Variants in SLC39A11 observed in about 807,000 individuals in gnomAD.
SLC39A11 encodes solute carrier family 39 member 11.
Under a neutral mutation model 36.1 loss-of-function variants are expected in SLC39A11, and 33 were observed. The ratio of observed to expected loss-of-function variants is 0.91; its 90% CI spans 0.69 to 1.22. The LOEUF (loss-of-function observed/expected upper bound fraction) is 1.22. SLC39A11 is among the 50% of genes most tolerant of loss of function. The pLI, the probability that SLC39A11 is intolerant of heterozygous loss-of-function variation, is 0.00. For synonymous variants in SLC39A11, 166 were observed against 170.3 expected (o/e 0.97, Z 0.20); for missense variants, 432 against 430.3 (o/e 1.00, Z -0.03).
At position 72,880,960 on chromosome 17, in the gene SLC39A11, C is replaced by T. The variant is rs998202979; in HGVS notation, c.431-31156G>A. 5.3e-5 allele frequency among the ~76,000 whole-genome samples: 8 copies of T among 151,464 alleles called. 1 individual carries two copies. The highest frequency in any genetic ancestry group is 3.3e-4 in the Admixed American group (5 of 15,226). On this transcript the variant is annotated intron_variant, in intron 5 of 9. Coordinates refer to ENST00000255559, the MANE Select transcript of SLC39A11 (RefSeq NM_139177.4). ...CCTCCCAAAGTGCTGGGATTACAGG[C>T]GTGAGCCTCTGCACCCGGCCTAAGA...
At chr17:72,909,885 C>A (rs12949898) in intron 5 of SLC39A11, among the ~76,000 whole-genome samples, 45,929 of 151,104 alleles carry the variant, frequency 0.3, 7,311 homozygotes, top group East Asian at 0.5. Context: ...AGCTGGGACT[C>A]CAGGCGCCCG....
At chr17:72,846,694 A>G (rs2079069567) in intron 6 of SLC39A11, among the ~76,000 whole-genome samples, 1 of 152,180 alleles carries the variant, frequency 6.6e-6, no homozygotes, top group Non-Finnish European at 1.5e-5. Context: ...TACTCATTCC[A>G]TTGCTATAAA....
intron 7 of SLC39A11, among the ~76,000 whole-genome samples, chr17:72,684,513 G>A (rs1006350510): frequency 2.6e-5 from 4 of 152,172 alleles, no homozygotes; most frequent in Middle Eastern, 3.2e-3. Flanking sequence ...CAAGGATAAC[G>A]CATCGTGCTT....
chr17:72,972,719 T>A (rs763892339), intron 4 of SLC39A11, among the ~76,000 whole-genome samples: 14 of 152,134 alleles, frequency 9.2e-5, no homozygotes, highest in African/African-American at 3.4e-4. Flanking sequence ...CTTCCCAGAC[T>A]GTAGCAACCA....
At position 72,865,735 on chromosome 17, in the gene SLC39A11, G is replaced by A. The variant is rs376789454; in HGVS notation, c.431-15931C>T. The stretch of plus-strand genomic sequence containing the variant: ...CAGGCACCACCGACAGAGAGAAGCA[G>A]AACCTTTGTGTAATAGCTCTTTTTT... On this transcript the variant is annotated intron_variant, in intron 5 of 9. Transcript: ENST00000255559. 5.3e-5 allele frequency among the ~76,000 whole-genome samples: 8 copies of A among 152,154 alleles called. No individual in the cohort carries two copies. The South Asian group carries it at 1.0e-3, about 20-fold the overall frequency.
At position 72,648,792 on chromosome 17, in the gene SLC39A11, G is replaced by A. The variant is rs199631988; in HGVS notation, c.929+11C>T. 9.9e-6 allele frequency: 16 copies of A among 1,614,126 alleles called. No individual in the cohort carries two copies. In the East Asian group the frequency reaches 1.1e-4, roughly 11 times the overall value. ...GGGACAGGGACAGACAGGGAGGGAA[G>A]GTTCTCCAACCTGATCTGGGCTTCG... On this transcript the variant is annotated intron_variant, in intron 9 of 9. Coordinates refer to ENST00000255559, the MANE Select transcript of SLC39A11 (RefSeq NM_139177.4).
chr17:72,690,912 T>C (rs1415171060), intron 7 of SLC39A11, among the ~76,000 whole-genome samples: 1 of 152,034 alleles, frequency 6.6e-6, no homozygotes, highest in East Asian at 1.9e-4. Flanking sequence ...CTCCAAGGAA[T>C]GGCAGTCACC....
intron 6 of SLC39A11, among the ~76,000 whole-genome samples, chr17:72,802,626 T>A (rs966298621): frequency 1.9e-4 from 27 of 142,052 alleles, no homozygotes; most frequent in African/African-American, 6.2e-4. Context: ...GAAAAGAAAA[T>A]CACATGGGTT....
intron 6 of SLC39A11, among the ~76,000 whole-genome samples, chr17:72,834,049 CCAAGG>C (rs2078404567): frequency 6.6e-6 from 1 of 152,150 alleles, no homozygotes; most frequent in South Asian, 2.1e-4. Flanking sequence ...GGAACTCCTC[CCAAGG>C]CAAGCTTGGG....
At chr17:72,861,688 T>TATAA (rs1169877556) in intron 5 of SLC39A11, among the ~76,000 whole-genome samples, 28 of 88,782 alleles carry the variant, frequency 3.2e-4, no homozygotes, top group East Asian at 8.3e-4. Context: ...TATATATATA[T>TATAA]AAAATATATA....
chr17:72,795,705 C>T (rs2076873796), intron 6 of SLC39A11, among the ~76,000 whole-genome samples: 1 of 152,100 alleles, frequency 6.6e-6, no homozygotes, highest in Non-Finnish European at 1.5e-5. Flanking sequence ...TCAAAATTCC[C>T]TGTGAGGTGG....
At chr17:72,890,284 C>CAA (rs11335169) in intron 5 of SLC39A11, among the ~76,000 whole-genome samples, 33 of 141,006 alleles carry the variant, frequency 2.3e-4, no homozygotes, top group Middle Eastern at 3.6e-3. Flanking sequence ...ACAACAACAA[C>CAA]AAAAAAAAAA....
At chr17:72,750,942 C>CT (rs1236090369) in intron 6 of SLC39A11, among the ~76,000 whole-genome samples, 4 of 152,116 alleles carry the variant, frequency 2.6e-5, no homozygotes, top group Non-Finnish European at 5.9e-5. Context: ...GGCATTATGG[C>CT]TTAGCTCAAA....
chr17:73,075,881 G>C (rs1353468610), intron 3 of SLC39A11, among the ~76,000 whole-genome samples: 2 of 152,120 alleles, frequency 1.3e-5, no homozygotes, highest in African/African-American at 4.8e-5. Context: ...CTCACCATGT[G>C]ATACTGAATT....
At chr17:72,727,598 G>A (rs1382882964) in intron 7 of SLC39A11, among the ~76,000 whole-genome samples, 1 of 149,000 alleles carries the variant, frequency 6.7e-6, no homozygotes, top group East Asian at 2.0e-4. Context: ...GTTGCAGTGA[G>A]CTGAGATCGT....
At chr17:72,947,521 C>A in intron 5 of SLC39A11, 1 of 604,370 alleles carries the variant, frequency 1.7e-6, no homozygotes, top group East Asian at 2.9e-5. Flanking sequence ...TCAAAAGGTA[C>A]CGTTACCTTC....
Position 72,909,841 on chromosome 17 carries a change from G to A in SLC39A11, c.430+37911C>T, listed in dbSNP as rs372424616. Among the ~76,000 whole-genome samples, 87 of 150,822 alleles carry A rather than the reference G, an allele frequency of 5.8e-4. 1 individual carries two copies. Among genetic ancestry groups the A allele is most frequent in the African/African-American group, 1.9e-3 (79 of 41,082 alleles). ...GCTCACTGCAACCTCCGCTTCCCGC[G>A]TTCACGCCATTCTCCTGCTTCAGCC... is the stretch of plus-strand genomic sequence containing the variant. On this transcript the variant is annotated intron_variant, in intron 5 of 9. Coordinates refer to ENST00000255559, the MANE Select transcript of SLC39A11 (RefSeq NM_139177.4).
chr17:72,737,767 C>A (rs576530922), intron 6 of SLC39A11, among the ~76,000 whole-genome samples: 1 of 152,094 alleles, frequency 6.6e-6, no homozygotes, highest in South Asian at 2.1e-4. Flanking sequence ...CATACCTCTT[C>A]GGCCAGAACA....
chr17:72,896,750 G>A (rs1429436813), intron 5 of SLC39A11, among the ~76,000 whole-genome samples: 4 of 151,882 alleles, frequency 2.6e-5, no homozygotes, highest in South Asian at 4.2e-4. Flanking sequence ...GGGAAATGAC[G>A]CTTAAGAAAA....
Sources: gnomAD v4.1 joint callset for allele counts (sites outside exome capture counted in the v4.1 genomes callset) on GRCh38, gnomAD v4.1.1 for gene constraint, MANE v1.5 for transcripts, NCBI Gene and HGNC (gene_info 2026-07-23, HGNC 2026-07-21) for gene names.